The following ASAP2 variants were observed in gnomAD, a reference collection of about 807,000 sequenced individuals.
The protein encoded by ASAP2 is arf-GAP with SH3 domain, ANK repeat and PH domain-containing protein 2.
A neutral mutation model predicts 131.4 loss-of-function variants in ASAP2; 45 were observed. That is an observed-to-expected ratio of 0.34 (90% CI 0.27 to 0.44). The LOEUF is 0.44. ASAP2 is among the 20% of genes least tolerant of loss of function. The pLI is 1.00. For synonymous variants in ASAP2, 510 were observed against 503.0 expected, an observed-to-expected ratio of 1.01 and a Z score of -0.19; for missense variants, 1,011 against 1,297.0, an observed-to-expected ratio of 0.78 and a Z score of 3.39.
chr2:9,353,734 C>G (rs1045070539), intron 12 of ASAP2, among the ~76,000 whole-genome samples: 1 of 152,202 alleles, frequency 6.6e-6, no homozygotes, highest in African/African-American at 2.4e-5. Flanking sequence ...GAGCAATAGA[C>G]TGGCTGGCTG....
intron 1 of ASAP2, among the ~76,000 whole-genome samples, chr2:9,266,482 T>A (rs1665959004): frequency 6.6e-6 from 1 of 152,114 alleles, no homozygotes; most frequent in South Asian, 2.1e-4. Context: ...TTACTTGTGT[T>A]TTGTCCTCAG....
intron 12 of ASAP2, among the ~76,000 whole-genome samples, chr2:9,355,827 C>T (rs184749833): frequency 1.3e-5 from 2 of 152,212 alleles, no homozygotes; most frequent in East Asian, 3.9e-4. Context: ...TCTTTTAAAA[C>T]TTGAATGAGG....
intron 1 of ASAP2, among the ~76,000 whole-genome samples, chr2:9,263,374 C>T (rs1205514198): frequency 6.6e-6 from 1 of 152,198 alleles, no homozygotes; most frequent in Non-Finnish European, 1.5e-5. Flanking sequence ...GGGGTCCTGC[C>T]CAGAGCTGCC....
At chr2:9,238,957 C>T (rs555686559) in intron 1 of ASAP2, among the ~76,000 whole-genome samples, 149 of 152,306 alleles carry the variant, frequency 9.8e-4, no homozygotes, top group Non-Finnish European at 1.8e-3. Flanking sequence ...TCTTGCTGTA[C>T]TGTGTTCCCT....
chr2:9,393,820 G>A (rs1365958002), intron 24 of ASAP2, among the ~76,000 whole-genome samples, 173 bp downstream of exon 24: 6 of 152,210 alleles, frequency 3.9e-5, no homozygotes, highest in Admixed American at 6.5e-5. Context: ...TTTTTAGACT[G>A]TAAAAATGTC....
chr2:9,348,567 T>A (rs189181824), intron 11 of ASAP2, among the ~76,000 whole-genome samples: 8 of 152,366 alleles, frequency 5.3e-5, no homozygotes, highest in Non-Finnish European at 8.8e-5. Context: ...CAGTTATTAA[T>A]GTAAAACAGA....
intron 22 of ASAP2, 98 bp from the exon 23 acceptor site, chr2:9,390,964 G>A (rs939443777): frequency 5.7e-6 from 9 of 1,578,586 alleles, no homozygotes; most frequent in African/African-American, 2.7e-5. Flanking sequence ...GTTTCATAAG[G>A]GGGAGGATCA....
chr2:9,277,637 A>G (rs1389624884), intron 1 of ASAP2, among the ~76,000 whole-genome samples: 1 of 152,210 alleles, frequency 6.6e-6, no homozygotes, highest in Non-Finnish European at 1.5e-5. Flanking sequence ...CTTGACATGC[A>G]TAGCCTCCTC....
intron 3 of ASAP2, among the ~76,000 whole-genome samples, chr2:9,300,689 T>G (rs1668424306): frequency 6.6e-6 from 1 of 152,222 alleles, no homozygotes; most frequent in Non-Finnish European, 1.5e-5. Flanking sequence ...ACCATCCTCT[T>G]AAGGCACACA....
At chr2:9,264,632 A>C (rs1050830148) in intron 1 of ASAP2, among the ~76,000 whole-genome samples, 4 of 152,134 alleles carry the variant, frequency 2.6e-5, no homozygotes, top group African/African-American at 9.7e-5. Context: ...TTCAGGTGAT[A>C]GCGAAAACTC....
At chr2:9,381,773 C>T (rs367684286) in intron 20 of ASAP2, among the ~76,000 whole-genome samples, 19 of 152,062 alleles carry the variant, frequency 1.2e-4, no homozygotes, top group South Asian at 1.2e-3. Context: ...TGTGGTGGCA[C>T]GCACCTGCAG....
At chr2:9,263,962 C>G (rs754984724) in intron 1 of ASAP2, among the ~76,000 whole-genome samples, 1 of 152,034 alleles carries the variant, frequency 6.6e-6, no homozygotes. Flanking sequence ...GAGGCCAAGG[C>G]GGGCGGATCA....
chr2:9,279,151 T>C (rs1293680588), intron 1 of ASAP2, among the ~76,000 whole-genome samples, 166 bp from the exon 2 acceptor site: 9 of 152,052 alleles, frequency 5.9e-5, no homozygotes, highest in Admixed American at 5.9e-4. Flanking sequence ...TGAGGGCTTG[T>C]CTCCCAGAAA....
chr2:9,347,890 C>G (rs887957707), intron 11 of ASAP2, among the ~76,000 whole-genome samples: 1 of 152,142 alleles, frequency 6.6e-6, no homozygotes, highest in Non-Finnish European at 1.5e-5. Flanking sequence ...CTTCTAAAAG[C>G]CTGACAAATC....
At chr2:9,394,052 C>G (rs1166287248) in intron 24 of ASAP2, among the ~76,000 whole-genome samples, 1 of 151,908 alleles carries the variant, frequency 6.6e-6, no homozygotes, top group African/African-American at 2.4e-5. Context: ...CCTGCAAAAT[C>G]AGGAAATTAA....
chr2:9,375,527 A>T (rs557583652), intron 17 of ASAP2, among the ~76,000 whole-genome samples: 7 of 152,344 alleles, frequency 4.6e-5, no homozygotes, highest in Admixed American at 4.6e-4. Context: ...ATTACCTCAC[A>T]GGCTCATCCA....
At chr2:9,323,293 C>A in intron 6 of ASAP2, 43 bp downstream of exon 6, 1 of 1,609,818 alleles carries the variant, frequency 6.2e-7, no homozygotes, top group Non-Finnish European at 8.5e-7. Flanking sequence ...CAGGCTGTGC[C>A]GGCTCTGCCC....
intron 19 of ASAP2, among the ~76,000 whole-genome samples, chr2:9,380,016 A>G (rs1674708841): frequency 1.3e-5 from 2 of 151,842 alleles, no homozygotes; most frequent in Admixed American, 6.6e-5. Flanking sequence ...AATAAAGTAT[A>G]TACTTTCAGG....
intron 14 of ASAP2, among the ~76,000 whole-genome samples, chr2:9,356,755 G>A (rs1307707253): frequency 2.6e-5 from 4 of 152,264 alleles, no homozygotes; most frequent in African/African-American, 7.2e-5. Flanking sequence ...GCTTTAAGCC[G>A]CTGTCTGGCT....
Sources: allele counts gnomAD v4.1 joint callset (sites outside exome capture counted in the v4.1 genomes callset), GRCh38; gene constraint gnomAD v4.1.1; transcripts MANE v1.5; gene names NCBI Gene and HGNC (gene_info 2026-07-23, HGNC 2026-07-21).